CTIF: variants seen among roughly 807,000 people sequenced by gnomAD.
CTIF encodes the protein CBP80/20-dependent translation initiation factor.
In CTIF, 21 loss-of-function variants were observed where a neutral mutation model predicts 66.0. That is an observed-to-expected ratio of 0.32 (90% CI 0.23 to 0.46). The LOEUF is 0.46. Among genes scored for constraint, CTIF ranks in the 20% least tolerant of loss-of-function variants. The pLI is 1.00. For synonymous variants in CTIF, 345 were observed against 326.4 expected (o/e 1.06, Z -0.62); for missense variants, 739 against 812.7 (o/e 0.91, Z 1.10).
At chr18:48,612,906 C>T (rs549688412) in intron 1 of CTIF, among the ~76,000 whole-genome samples, 1 of 152,238 alleles carries the variant, frequency 6.6e-6, no homozygotes, top group South Asian at 2.1e-4. Context: ...CCTGGGTTTC[C>T]TCAGTGGGGT....
chr18:48,855,647 T>C (rs1297731269), intron 10 of CTIF, among the ~76,000 whole-genome samples: 2 of 152,072 alleles, frequency 1.3e-5, no homozygotes, highest in African/African-American at 2.4e-5. Context: ...GTGTACAAGA[T>C]AAATTGCAGG....
At chr18:48,824,666 T>C (rs975986367) in intron 10 of CTIF, among the ~76,000 whole-genome samples, 1 of 152,046 alleles carries the variant, frequency 6.6e-6, no homozygotes, top group African/African-American at 2.4e-5. Context: ...AGACAGAGTT[T>C]CACTCTTGTC....
At chr18:48,685,812 G>A (rs1259851593) in intron 6 of CTIF, among the ~76,000 whole-genome samples, 2 of 152,052 alleles carry the variant, frequency 1.3e-5, no homozygotes, top group East Asian at 3.9e-4. Flanking sequence ...AAGTAGCTGG[G>A]ATTACAGGTG....
chr18:48,644,492 C>A (rs964018265), intron 3 of CTIF, among the ~76,000 whole-genome samples: 1 of 152,226 alleles, frequency 6.6e-6, no homozygotes, highest in Non-Finnish European at 1.5e-5. Flanking sequence ...TGCTCACCAG[C>A]GTGTATGTCT....
Position 48,758,268 on chromosome 18 carries a change from C to T in CTIF, c.934C>T (p.Pro312Ser), listed in dbSNP as rs751414020. ...TLAPVASERLPPQQSGGPEVE... is the reference protein window; with the variant it reads ...TLAPVASERLSPQQSGGPEVE... ...GGCCCCGGTGGCTTCTGAGCGGCTG[C>T]CCCCACAGCAGTCAGGGGGGCCAGA... Residue 312 changes from proline to serine, a missense_variant, in exon 8 of 12, where the codon CCC (proline) becomes TCC (serine). Around this residue, in one of 2 missense-constraint regions of CTIF, gnomAD observed 529 missense variants for 520.3 expected, o/e 1.02. Transcript: ENST00000256413. The T allele has an allele frequency of 1.2e-6, 2 of 1,613,002 alleles. No homozygotes were observed. The highest frequency in any genetic ancestry group is 1.7e-6 in the Non-Finnish European group (2 of 1,179,790).
chr18:48,601,110 A>G (rs2090082371), intron 1 of CTIF, among the ~76,000 whole-genome samples: 1 of 152,196 alleles, frequency 6.6e-6, no homozygotes, highest in Non-Finnish European at 1.5e-5. Context: ...CTGAACTGAG[A>G]TCTGCCCTCA....
At chr18:48,640,237 A>C (rs563087391) in intron 3 of CTIF, among the ~76,000 whole-genome samples, 52 of 152,340 alleles carry the variant, frequency 3.4e-4, no homozygotes, top group Middle Eastern at 6.8e-3. Flanking sequence ...TCACGCGCCC[A>C]GGCAGACACC....
At chr18:48,801,111 C>A (rs1048784444) in intron 9 of CTIF, among the ~76,000 whole-genome samples, 1 of 152,182 alleles carries the variant, frequency 6.6e-6, no homozygotes, top group African/African-American at 2.4e-5. Context: ...CCACCCCCAC[C>A]CCCGGCACTG....
At chr18:48,825,058 C>G (rs1474569583) in intron 10 of CTIF, among the ~76,000 whole-genome samples, 2 of 152,192 alleles carry the variant, frequency 1.3e-5, no homozygotes, top group African/African-American at 4.8e-5. Context: ...CCAGCTCATC[C>G]CTACCCATAA....
At chr18:48,739,828 G>A (rs2145734536) in intron 7 of CTIF, among the ~76,000 whole-genome samples, 1 of 152,274 alleles carries the variant, frequency 6.6e-6, no homozygotes, top group East Asian at 1.9e-4. Flanking sequence ...GCTGGTAGTT[G>A]GAATATTTAC....
intron 5 of CTIF, among the ~76,000 whole-genome samples, chr18:48,665,467 ATTTT>A: frequency 6.6e-6 from 1 of 152,184 alleles, no homozygotes; most frequent in African/African-American, 2.4e-5. Context: ...GTTTTATATA[ATTTT>A]TAATGAGGCA....
intron 3 of CTIF, among the ~76,000 whole-genome samples, chr18:48,646,291 A>C (rs1164813624): frequency 6.6e-6 from 1 of 152,248 alleles, no homozygotes; most frequent in Non-Finnish European, 1.5e-5. Flanking sequence ...CCTGAAGGTG[A>C]TGTACAGATG....
intron 1 of CTIF, among the ~76,000 whole-genome samples, chr18:48,600,583 C>T (rs1209422824): frequency 2.0e-5 from 3 of 151,756 alleles, no homozygotes; most frequent in East Asian, 2.0e-4. Context: ...AAGTGACAGG[C>T]GTTTGTTGCG....
chr18:48,731,526 A>T (rs901385805), intron 7 of CTIF, among the ~76,000 whole-genome samples: 3 of 152,058 alleles, frequency 2.0e-5, no homozygotes, highest in Non-Finnish European at 4.4e-5. Context: ...ACATCTCAAC[A>T]ATGTCTTCCC....
chr18:48,604,860 C>T (rs899710086), intron 1 of CTIF, among the ~76,000 whole-genome samples: 1 of 152,132 alleles, frequency 6.6e-6, no homozygotes, highest in African/African-American at 2.4e-5. Context: ...CTGGACATTT[C>T]ATATTAATGA....
chr18:48,645,610 C>T (rs1365699970), intron 3 of CTIF, among the ~76,000 whole-genome samples: 1 of 152,196 alleles, frequency 6.6e-6, no homozygotes, highest in Non-Finnish European at 1.5e-5. Flanking sequence ...CTACCCACGC[C>T]CCATGGTGTC....
At chr18:48,688,344 G>C (rs1313698479) in intron 6 of CTIF, 1 of 152,230 alleles carries the variant, frequency 6.6e-6, no homozygotes, top group Non-Finnish European at 1.5e-5. Context: ...GATAAAGCTG[G>C]GTATACTTGC....
chr18:48,685,929 G>A (rs568377745), intron 6 of CTIF, among the ~76,000 whole-genome samples: 2 of 152,122 alleles, frequency 1.3e-5, no homozygotes, highest in East Asian at 1.9e-4. Flanking sequence ...CACCCACCTC[G>A]GCCTCCCAAA....
intron 5 of CTIF, 162 bp from the exon 6 acceptor site, chr18:48,670,507 G>C (rs2144999083): frequency 3.4e-6 from 2 of 595,294 alleles, no homozygotes; most frequent in Admixed American, 2.8e-5. Context: ...CACACACACA[G>C]CTTCTCTAGG....
Sources: allele counts gnomAD v4.1 joint callset (sites outside exome capture counted in the v4.1 genomes callset), GRCh38; gene constraint gnomAD v4.1.1; regional missense constraint gnomAD v4.1.1; transcripts MANE v1.5; gene names NCBI Gene and HGNC (gene_info 2026-07-23, HGNC 2026-07-21).